TNFRSF8: variants seen among roughly 807,000 people sequenced by gnomAD.
TNFRSF8 encodes the protein tumor necrosis factor receptor superfamily member 8.
In TNFRSF8, 26 loss-of-function variants were observed where a neutral mutation model predicts 70.8. The observed-to-expected ratio is 0.37, with a 90% CI of 0.27 to 0.51. The LOEUF is 0.51. TNFRSF8 is among the 20% of genes least tolerant of loss of function. The pLI, the probability that TNFRSF8 is intolerant of heterozygous loss-of-function variation, is 0.94. For missense variants in TNFRSF8, 720 were observed against 807.9 expected, an observed-to-expected ratio of 0.89 and a Z score of 1.32; for synonymous variants, 356 against 339.2, an observed-to-expected ratio of 1.05 and a Z score of -0.54.
At chr1:12,117,271 C>T (rs759593991) in intron 8 of TNFRSF8, among the ~76,000 whole-genome samples, 27 of 152,074 alleles carry the variant, frequency 1.8e-4, no homozygotes, top group South Asian at 1.2e-3. Context: ...TTAGTAGAGA[C>T]GGGGTTTTGC....
chr1:12,090,699 G>T (rs1028869241), intron 2 of TNFRSF8, among the ~76,000 whole-genome samples: 1 of 152,132 alleles, frequency 6.6e-6, no homozygotes, highest in Non-Finnish European at 1.5e-5. Context: ...AACCATGGGG[G>T]GGCAGCTATC....
At chr1:12,105,794 C>T (rs992381137) in intron 4 of TNFRSF8, among the ~76,000 whole-genome samples, 4 of 151,976 alleles carry the variant, frequency 2.6e-5, no homozygotes, top group Non-Finnish European at 5.9e-5. Context: ...AAAAATTAGC[C>T]AGCCCTGGCA....
chr1:12,076,109 T>C (rs1026249491), intron 1 of TNFRSF8, among the ~76,000 whole-genome samples: 1 of 88,600 alleles, frequency 1.1e-5, no homozygotes, highest in South Asian at 2.7e-4. Flanking sequence ...TTTTCTTTTT[T>C]TTTTTTTTGA....
Position 12,143,357 on chromosome 1 carries a change from C to G in TNFRSF8, c.*826C>G, listed in dbSNP as rs1642294550. 6.6e-6 allele frequency: 1 copy of G among 152,118 alleles called. No homozygotes were observed. Among genetic ancestry groups the G allele is most frequent in the African/African-American group, 2.4e-5 (1 of 41,384 alleles). The allele number at this position is 152,118 out of a possible 1,614,324, so 9.4% of individuals were successfully genotyped here. On this transcript the variant is annotated 3_prime_UTR_variant, in exon 15 of 15. Transcript: ENST00000263932. The surrounding 1 kb of genome is among the most constrained non-coding windows in gnomAD (Gnocchi z 4.1). Reference sequence around the variant, plus strand: ...GCCCCTCACCAACCCAGAGAACCTGCTTTACTTTGCCCAGGGACTTCCTCC... The same window carrying G: ...GCCCCTCACCAACCCAGAGAACCTGGTTTACTTTGCCCAGGGACTTCCTCC...
chr1:12,125,543 G>A (rs1379281338), intron 10 of TNFRSF8, among the ~76,000 whole-genome samples: 2 of 152,180 alleles, frequency 1.3e-5, no homozygotes, highest in South Asian at 2.1e-4. Flanking sequence ...AGGGTTGGCC[G>A]GGAGGGGACT....
At chr1:12,090,915 T>C (rs1053421723) in intron 2 of TNFRSF8, among the ~76,000 whole-genome samples, 2 of 152,012 alleles carry the variant, frequency 1.3e-5, no homozygotes, top group Non-Finnish European at 2.9e-5. Context: ...TATTCGGAGA[T>C]GGGGTCTTTA....
intron 3 of TNFRSF8, among the ~76,000 whole-genome samples, chr1:12,101,408 C>T (rs1317671426): frequency 2.0e-5 from 3 of 148,116 alleles, no homozygotes; most frequent in Non-Finnish European, 3.0e-5. Flanking sequence ...GCCTGGGCAA[C>T]AGAGCAAGAC....
At chr1:12,090,337 TCCATCCAC>T (rs1451544412) in intron 2 of TNFRSF8, among the ~76,000 whole-genome samples, 1 of 147,972 alleles carries the variant, frequency 6.8e-6, no homozygotes, top group Non-Finnish European at 1.5e-5. Context: ...CATCCATCCA[TCCATCCAC>T]CCATCCGTCT....
At chr1:12,090,910 G>A (rs1347368589) in intron 2 of TNFRSF8, among the ~76,000 whole-genome samples, 3 of 152,072 alleles carry the variant, frequency 2.0e-5, no homozygotes, top group Admixed American at 6.6e-5. Flanking sequence ...GACCTTATTC[G>A]GAGATGGGGT....
intron 2 of TNFRSF8, among the ~76,000 whole-genome samples, chr1:12,087,093 CCA>C (rs1641165919): frequency 2.6e-5 from 3 of 115,064 alleles, no homozygotes; most frequent in Admixed American, 8.4e-5. Flanking sequence ...ATCCATCCAT[CCA>C]TCCATCCATC....
At chr1:12,103,964 ACCGTGGCAT>A (rs1308839923) in intron 3 of TNFRSF8, among the ~76,000 whole-genome samples, 1 of 152,120 alleles carries the variant, frequency 6.6e-6, no homozygotes, top group Non-Finnish European at 1.5e-5. Context: ...GCCCACCATC[ACCGTGGCAT>A]CCAGAATATT....
rs772508178 is a variant in TNFRSF8 at position 12,138,372 on chromosome 1, C to G, written c.1479C>G (p.Gly493=). 2 of 1,613,632 alleles carry G rather than the reference C, an allele frequency of 1.2e-6. No homozygotes were observed. The highest frequency in any genetic ancestry group is 1.7e-5 in the Admixed American group (1 of 60,004). ...TGCAGGATGCCAGCCCGGCCGGGGG[C>G]CCCTCGTCCCCCAGGGACCTTCCTG... is the stretch of plus-strand genomic sequence containing the variant. ...LPLQDASPAG[G]PSSPRDLPEP... is the part of the protein sequence containing the mutation. The change falls in exon 14 of 15, where the codon GGC becomes GGG. Residue 493 remains glycine, a synonymous_variant. Transcript: ENST00000263932. This position sits in a 1 kb window ranked among gnomAD's most constrained non-coding sequence, Gnocchi z 5.7.
At chr1:12,103,847 C>A (rs1557589079) in intron 3 of TNFRSF8, among the ~76,000 whole-genome samples, 1 of 152,284 alleles carries the variant, frequency 6.6e-6, no homozygotes, top group Non-Finnish European at 1.5e-5. Context: ...CATTGATGAC[C>A]TGATAATGAT....
intron 14 of TNFRSF8, among the ~76,000 whole-genome samples, chr1:12,140,443 T>C (rs1642231105): frequency 6.6e-6 from 1 of 152,154 alleles, no homozygotes; most frequent in South Asian, 2.1e-4. Context: ...CTTCCTCACC[T>C]GCCCTCCCCA....
At chr1:12,116,563 G>C (rs1322526188) in intron 8 of TNFRSF8, among the ~76,000 whole-genome samples, 3 of 152,112 alleles carry the variant, frequency 2.0e-5, no homozygotes, top group Admixed American at 1.3e-4. Flanking sequence ...CACTTTGGGA[G>C]GCTGAGGCAG....
rs1292000924 is a variant in TNFRSF8 at position 12,138,704 on chromosome 1, C to A, written c.1543+268C>A. Among the ~76,000 whole-genome samples, 2 of 152,216 alleles carry A rather than the reference C, an allele frequency of 1.3e-5. No individual in the cohort carries two copies. The highest frequency in any genetic ancestry group is 2.4e-5 in the African/African-American group (1 of 41,448). On this transcript the variant is annotated intron_variant, in intron 14 of 14. Transcript: ENST00000263932. This position sits in a 1 kb window ranked among gnomAD's most constrained non-coding sequence, Gnocchi z 5.7. ...AAACGAACACCACCCCAGCCCCCAA[C>A]ACCGAGCACCCGAGGGGACAGGAGG...
intron 12 of TNFRSF8, among the ~76,000 whole-genome samples, chr1:12,129,101 G>T (rs1420392969): frequency 6.6e-6 from 1 of 152,058 alleles, no homozygotes; most frequent in Non-Finnish European, 1.5e-5. Flanking sequence ...CCAAAGTGCT[G>T]GGTTTGCAGG....
chr1:12,077,099 T>G (rs1640979284), intron 1 of TNFRSF8, among the ~76,000 whole-genome samples: 1 of 152,126 alleles, frequency 6.6e-6, no homozygotes, highest in Admixed American at 6.5e-5. Flanking sequence ...GTATCTTTTG[T>G]AGAGACGGGT....
intron 3 of TNFRSF8, among the ~76,000 whole-genome samples, chr1:12,102,811 C>T (rs1641447946): frequency 6.6e-6 from 1 of 152,098 alleles, no homozygotes; most frequent in Non-Finnish European, 1.5e-5. Context: ...CAAGTGTGAA[C>T]CACCACTCCC....
Sources: allele counts gnomAD v4.1 joint callset (sites outside exome capture counted in the v4.1 genomes callset), GRCh38; gene constraint gnomAD v4.1.1; non-coding constraint Gnocchi (gnomAD v3.1); transcripts MANE v1.5; gene names NCBI Gene and HGNC (gene_info 2026-07-23, HGNC 2026-07-21).